Variants in RBFOX1 observed in about 807,000 individuals in gnomAD.
The protein encoded by RBFOX1 is RNA binding protein fox-1 homolog 1.
A neutral mutation model predicts 57.7 loss-of-function variants in RBFOX1; 8 were observed. That is an observed-to-expected ratio of 0.14 (90% CI 0.08 to 0.25). The LOEUF (loss-of-function observed/expected upper bound fraction) is 0.25. Among genes scored for constraint, RBFOX1 ranks in the 10% least tolerant of loss-of-function variants. The probability of loss-of-function intolerance (pLI) is 1.00; values close to 1 mark genes in which losing one functional copy is unlikely to be tolerated. For missense variants in RBFOX1, 611 were observed against 548.5 expected, an observed-to-expected ratio of 1.11 and a Z score of -1.14; for synonymous variants, 326 against 222.4, an observed-to-expected ratio of 1.47 and a Z score of -4.15.
At chr16:5,493,753 C>T (rs1284805475) in intron 2 of RBFOX1, among the ~76,000 whole-genome samples, 3 of 152,186 alleles carry the variant, frequency 2.0e-5, no homozygotes, top group Non-Finnish European at 4.4e-5. Flanking sequence ...TGTTTGAAAA[C>T]TTTGTCTTCA....
intron 2 of RBFOX1, among the ~76,000 whole-genome samples, chr16:6,636,920 A>G (rs1256115480): frequency 7.9e-6 from 1 of 126,920 alleles, no homozygotes; most frequent in Non-Finnish European, 1.6e-5. Flanking sequence ...ATATATGTAT[A>G]AATTATGTAT....
At chr16:6,935,930 A>G (rs2153484764) in intron 3 of RBFOX1, among the ~76,000 whole-genome samples, 1 of 152,300 alleles carries the variant, frequency 6.6e-6, no homozygotes, top group South Asian at 2.1e-4. Flanking sequence ...ACTGGGGACC[A>G]ATCTGTGCCG....
intron 5 of RBFOX1, among the ~76,000 whole-genome samples, chr16:7,542,842 GAGAAGGAGAGGGAGAA>G (rs34321991): frequency 0.76 from 114,779 of 150,194 alleles, 44,560 homozygotes; most frequent in Non-Finnish European, 0.83. Context: ...AGAGGGGAGA[GAGAAGGAGAGGGAGAA>G]AGAGGGAAAG....
At chr16:6,616,012 C>T (rs536630950) in intron 2 of RBFOX1, among the ~76,000 whole-genome samples, 4 of 152,086 alleles carry the variant, frequency 2.6e-5, no homozygotes, top group African/African-American at 4.8e-5. Context: ...CATATATAGA[C>T]GCAGGGACAC....
intron 2 of RBFOX1, among the ~76,000 whole-genome samples, chr16:5,515,477 C>G (rs1381369012): frequency 6.6e-6 from 1 of 152,198 alleles, no homozygotes; most frequent in Admixed American, 6.5e-5. Flanking sequence ...TATTAATCTC[C>G]TTGTCCAACA....
At chr16:5,836,287 A>T (rs188574169) in intron 3 of RBFOX1, among the ~76,000 whole-genome samples, 1 of 152,286 alleles carries the variant, frequency 6.6e-6, no homozygotes, top group East Asian at 1.9e-4. Flanking sequence ...CCAGGTAGAC[A>T]GGCAGGGCAC....
At chr16:6,776,461 G>A (rs1228288090) in intron 3 of RBFOX1, among the ~76,000 whole-genome samples, 1 of 151,922 alleles carries the variant, frequency 6.6e-6, no homozygotes, top group East Asian at 1.9e-4. Context: ...AAACATCAAG[G>A]AGAAGCAACA....
At chr16:7,240,355 G>A (rs560015349) in intron 4 of RBFOX1, among the ~76,000 whole-genome samples, 1 of 152,114 alleles carries the variant, frequency 6.6e-6, no homozygotes, top group Non-Finnish European at 1.5e-5. Context: ...ATATATTAAT[G>A]ATCTTCACTA....
chr16:6,110,862 A>G (rs1271910651), intron 1 of RBFOX1, among the ~76,000 whole-genome samples: 1 of 152,096 alleles, frequency 6.6e-6, no homozygotes, highest in African/African-American at 2.4e-5. Context: ...TCCAGTGCAC[A>G]GCACCAGCCC....
intron 1 of RBFOX1, among the ~76,000 whole-genome samples, chr16:6,078,707 C>T (rs149170029): frequency 6.6e-6 from 1 of 152,320 alleles, no homozygotes; most frequent in East Asian, 1.9e-4. Flanking sequence ...CTGCACGTAG[C>T]AAGGGTACCA....
intron 4 of RBFOX1, among the ~76,000 whole-genome samples, chr16:7,465,955 G>A (rs1475715531): frequency 1.3e-5 from 2 of 152,174 alleles, no homozygotes; most frequent in Admixed American, 6.5e-5. Flanking sequence ...ATGACAGACT[G>A]GATAACTGGA....
chr16:5,626,805 C>T (rs1390494338), intron 3 of RBFOX1, among the ~76,000 whole-genome samples: 2 of 152,056 alleles, frequency 1.3e-5, no homozygotes, highest in Admixed American at 1.3e-4. Flanking sequence ...CTCTTGCTTT[C>T]CTTGGTGCCC....
chr16:7,442,083 T>G (rs558304960), intron 4 of RBFOX1, among the ~76,000 whole-genome samples: 2 of 152,138 alleles, frequency 1.3e-5, no homozygotes, highest in Non-Finnish European at 2.9e-5. Flanking sequence ...ATGAATCCAT[T>G]AGGCAGGCTG....
intron 1 of RBFOX1, among the ~76,000 whole-genome samples, chr16:6,074,259 TTCTC>T (rs1268283605): frequency 2.0e-5 from 3 of 152,160 alleles, no homozygotes; most frequent in African/African-American, 7.2e-5. Flanking sequence ...TCAAGCTTCT[TTCTC>T]TCTCCCCCTC....
intron 3 of RBFOX1, among the ~76,000 whole-genome samples, chr16:5,685,060 C>A (rs1165334600): frequency 6.6e-6 from 1 of 152,068 alleles, no homozygotes; most frequent in Non-Finnish European, 1.5e-5. Flanking sequence ...ATTCTCTTCC[C>A]AGCTGAGATG....
At chr16:7,511,157 T>TA (rs2074981213) in intron 4 of RBFOX1, among the ~76,000 whole-genome samples, 1 of 152,196 alleles carries the variant, frequency 6.6e-6, no homozygotes, top group Non-Finnish European at 1.5e-5. Context: ...GTCAGGTAGT[T>TA]ACATGGAAAA....
At chr16:7,187,337 G>T (rs1000252552) in intron 4 of RBFOX1, among the ~76,000 whole-genome samples, 1 of 151,732 alleles carries the variant, frequency 6.6e-6, no homozygotes, top group Non-Finnish European at 1.5e-5. Flanking sequence ...AGAGATTATC[G>T]ATCACTTAAA....
intron 2 of RBFOX1, among the ~76,000 whole-genome samples, chr16:6,626,797 A>G (rs1325243113): frequency 6.6e-6 from 1 of 152,072 alleles, no homozygotes; most frequent in Non-Finnish European, 1.5e-5. Context: ...GAAATAAAAT[A>G]AAGTATAGAA....
intron 3 of RBFOX1, among the ~76,000 whole-genome samples, chr16:6,882,253 G>A (rs939511674): frequency 4.6e-5 from 7 of 152,114 alleles, no homozygotes; most frequent in African/African-American, 1.7e-4. Flanking sequence ...TGGAGAGGGA[G>A]AAGGCTTGGA....
Sources: allele counts gnomAD v4.1 joint callset (sites outside exome capture counted in the v4.1 genomes callset), GRCh38; gene constraint gnomAD v4.1.1; transcripts MANE v1.5; gene names NCBI Gene and HGNC (gene_info 2026-07-23, HGNC 2026-07-21).